The following FAM13A variants were observed in gnomAD, a reference collection of about 807,000 sequenced individuals.
The protein encoded by FAM13A is family with sequence similarity 13 member A.
A neutral mutation model predicts 129.6 loss-of-function variants in FAM13A; 76 were observed. That is an observed-to-expected ratio of 0.59 (90% CI 0.49 to 0.71). FAM13A has a LOEUF of 0.71. FAM13A is among the 30% of genes least tolerant of loss of function. The pLI is 0.00. For missense variants in FAM13A, 1,108 were observed against 1,249.3 expected, an observed-to-expected ratio of 0.89 and a Z score of 1.70; for synonymous variants, 443 against 449.9, an observed-to-expected ratio of 0.98 and a Z score of 0.20.
At chr4:88,876,203 A>G (rs776750327) in intron 6 of FAM13A, among the ~76,000 whole-genome samples, 1 of 152,158 alleles carries the variant, frequency 6.6e-6, no homozygotes, top group Non-Finnish European at 1.5e-5. Flanking sequence ...TGACGAGTTA[A>G]TGGGTGCAGC....
chr4:88,786,025 C>T (rs990572180), intron 10 of FAM13A, among the ~76,000 whole-genome samples: 30 of 152,138 alleles, frequency 2.0e-4, no homozygotes, highest in African/African-American at 7.0e-4. Flanking sequence ...CTTTGGTTCT[C>T]CTAATACTGC....
chr4:88,815,708 A>C (rs1005130584), intron 7 of FAM13A, among the ~76,000 whole-genome samples: 2 of 152,158 alleles, frequency 1.3e-5, no homozygotes, highest in South Asian at 2.1e-4. Context: ...AATTTCCTTC[A>C]GTGTATCTCT....
At chr4:89,016,180 C>A in intron 3 of FAM13A, among the ~76,000 whole-genome samples, 1 of 126,096 alleles carries the variant, frequency 7.9e-6, no homozygotes. Flanking sequence ...TGTGCTTATG[C>A]CTTAGTTTAA....
intron 2 of FAM13A, among the ~76,000 whole-genome samples, chr4:89,024,383 C>T (rs1767663818): frequency 6.6e-6 from 1 of 152,148 alleles, no homozygotes; most frequent in Admixed American, 6.5e-5. Context: ...AGACTGTATG[C>T]TTTATAAGTT....
Position 88,749,019 on chromosome 4 carries a change from G to A in FAM13A, c.2094C>T (p.Asp698=). 6.2e-7 allele frequency: 1 copy of A among 1,613,270 alleles called. No individual in the cohort carries two copies. The highest frequency in any genetic ancestry group is 8.5e-7 in the Non-Finnish European group (1 of 1,179,244). The stretch of plus-strand genomic sequence containing the variant: ...TCAGAACCTCCGGATTGGCTGCTTT[G>A]TCACTGTGGGAAGGCTGAGAAAAGG... The part of the protein sequence containing the change: ...EEKKYRPSHS[D]KAANPEVLKW... The change falls in exon 17 of 24, where the codon GAC becomes GAT. Residue 698 remains aspartate (D), a synonymous_variant. Transcript: ENST00000264344.
chr4:89,032,497 G>A (rs113825392), intron 1 of FAM13A, among the ~76,000 whole-genome samples: 5 of 152,012 alleles, frequency 3.3e-5, no homozygotes, highest in East Asian at 1.9e-4. Flanking sequence ...TTACACTATC[G>A]CCTTAGTAGT....
At chr4:88,876,088 C>T (rs549356349) in intron 6 of FAM13A, among the ~76,000 whole-genome samples, 1 of 152,046 alleles carries the variant, frequency 6.6e-6, no homozygotes, top group Non-Finnish European at 1.5e-5. Flanking sequence ...AAGAACTGAA[C>T]AATGAGAACA....
At chr4:88,812,500 A>G (rs906823732) in intron 7 of FAM13A, among the ~76,000 whole-genome samples, 1 of 151,242 alleles carries the variant, frequency 6.6e-6, no homozygotes, top group African/African-American at 2.4e-5. Context: ...CACTTTTGCA[A>G]CTCTTTCCAT....
At chr4:88,989,347 A>G (rs1762658520) in intron 4 of FAM13A, among the ~76,000 whole-genome samples, 1 of 152,180 alleles carries the variant, frequency 6.6e-6, no homozygotes, top group Admixed American at 6.6e-5. Context: ...CATGCCCGTA[A>G]TCCCAGCACT....
rs1561300851 is a variant in FAM13A, at chr4:88,906,369, C to A, written c.843+10G>T. On this transcript the variant is annotated intron_variant, in intron 6 of 23. Transcript: ENST00000264344. ...TTCACATGGTCGCCTACAGAGAAAACATAGTTTACCTTGGTTTTTGGAGGT... is the reference window on the plus strand; with the variant it reads ...TTCACATGGTCGCCTACAGAGAAAAAATAGTTTACCTTGGTTTTTGGAGGT... 6.4e-7 allele frequency: 1 copy of A among 1,571,304 alleles called. No homozygotes were observed. The highest frequency in any genetic ancestry group is 1.7e-5 in the Admixed American group (1 of 58,076).
chr4:88,731,801 A>G (rs566045454), intron 22 of FAM13A: 9 of 540,152 alleles, frequency 1.7e-5, no homozygotes, highest in Non-Finnish European at 2.9e-5. Flanking sequence ...TGTTTAAACA[A>G]GACTCAAAAG....
At chr4:88,885,505 A>G (rs566317089) in intron 6 of FAM13A, among the ~76,000 whole-genome samples, 14 of 152,350 alleles carry the variant, frequency 9.2e-5, no homozygotes, top group African/African-American at 2.9e-4. Flanking sequence ...ACAAAAATCA[A>G]TTCAAGATGG....
At chr4:88,743,174 T>TTTGG (rs753104738) in intron 19 of FAM13A, among the ~76,000 whole-genome samples, 2 of 152,174 alleles carry the variant, frequency 1.3e-5, no homozygotes, top group Non-Finnish European at 2.9e-5. Context: ...TACTACCCTA[T>TTTGG]TTGGTTGTCC....
At chr4:88,937,376 C>T (rs768730754) in intron 5 of FAM13A, 4 of 152,166 alleles carry the variant, frequency 2.6e-5, no homozygotes, top group Admixed American at 1.3e-4. Context: ...CATACCAGCT[C>T]CATCATGATT....
At chr4:88,734,345 ATC>A (rs558362447) in intron 21 of FAM13A, among the ~76,000 whole-genome samples, 26 of 152,358 alleles carry the variant, frequency 1.7e-4, no homozygotes, top group Admixed American at 1.4e-3. Context: ...CTTACTCAGT[ATC>A]TGAGTCACTT....
chr4:88,908,650 A>G (rs907695455), intron 5 of FAM13A, among the ~76,000 whole-genome samples: 4 of 152,238 alleles, frequency 2.6e-5, no homozygotes, highest in African/African-American at 9.6e-5. Context: ...TGTCACCTAC[A>G]TGAATTATAT....
rs554532412 is a variant in FAM13A, at chr4:88,961,749, T to C, written c.606-23508A>G. Among the ~76,000 whole-genome samples, 4 of 152,258 alleles carry C rather than the reference T, an allele frequency of 2.6e-5. No individual in the cohort carries two copies. In the South Asian group the frequency reaches 8.3e-4, roughly 32 times the overall value. ...TGTATGACATGATAGATGTTAACTG[T>C]ATCTCATAGACAAAGACTTGAGGGT... On this transcript the variant is annotated intron_variant, in intron 4 of 23. Transcript: ENST00000264344.
intron 5 of FAM13A, among the ~76,000 whole-genome samples, chr4:88,933,074 T>C (rs1176208090): frequency 1.3e-5 from 2 of 152,006 alleles, no homozygotes; most frequent in African/African-American, 4.8e-5. Context: ...TACAGAAAAA[T>C]ATGGTATATG....
intron 6 of FAM13A, among the ~76,000 whole-genome samples, chr4:88,892,229 G>A (rs1023826163): frequency 7.0e-6 from 1 of 143,844 alleles, no homozygotes; most frequent in Non-Finnish European, 1.5e-5. Context: ...ACCCAGGCTG[G>A]AGTGCAGTGG....
Sources: gnomAD v4.1 joint callset for allele counts (sites outside exome capture counted in the v4.1 genomes callset) on GRCh38, gnomAD v4.1.1 for gene constraint, MANE v1.5 for transcripts, NCBI Gene and HGNC (gene_info 2026-07-23, HGNC 2026-07-21) for gene names.